VAT1L: variants seen among roughly 807,000 people sequenced by gnomAD.
VAT1L encodes vesicle amine transport 1 like, also known as putative NADPH-dependent quinone oxidoreductase VAT1L.
VAT1L carries 34 observed loss-of-function variants against 44.1 expected under a neutral mutation model. That is an observed-to-expected ratio of 0.77 (90% CI 0.59 to 1.03). The LOEUF is 1.03. Among genes scored for constraint, VAT1L ranks in the 50% least tolerant of loss-of-function variants. VAT1L has a pLI of 0.00. For missense variants in VAT1L, 615 were observed against 538.8 expected (o/e 1.14, Z -1.40); for synonymous variants, 253 against 202.2 (o/e 1.25, Z -2.13).
intron 7 of VAT1L, among the ~76,000 whole-genome samples, chr16:77,949,981 GT>G (rs1482907185): frequency 6.6e-6 from 1 of 152,158 alleles, no homozygotes; most frequent in Non-Finnish European, 1.5e-5. Flanking sequence ...GTACCCTTAA[GT>G]TTTCCCTCAG....
At chr16:77,794,144 G>C (rs867392204) in intron 1 of VAT1L, among the ~76,000 whole-genome samples, 2 of 152,064 alleles carry the variant, frequency 1.3e-5, no homozygotes, top group Admixed American at 6.6e-5. Context: ...GAGACAGAGA[G>C]ACACACACAC....
At chr16:77,963,812 T>G (rs445971) in intron 7 of VAT1L, among the ~76,000 whole-genome samples, 138,385 of 152,120 alleles carry the variant, frequency 0.91, 63,215 homozygotes, top group East Asian at 0.96. Context: ...GGAAAGTGAT[T>G]TTCACTTCTC....
rs570032581 is a variant in VAT1L, at chr16:77,879,480, G to A, written c.882+256G>A. On this transcript the variant is annotated intron_variant, in intron 6 of 8. Transcript: ENST00000302536. This position sits in a 1 kb window ranked among gnomAD's most constrained non-coding sequence, Gnocchi z 4.1. ...TAATTTTTGTATTTGTAGTAGAGAC[G>A]GGGTTTCACCGTGTTGGCCAGGATG... Among the ~76,000 whole-genome samples, 7 of 152,262 alleles carry A rather than the reference G, an allele frequency of 4.6e-5. No homozygotes were observed. Among genetic ancestry groups the A allele is most frequent in the South Asian group, 2.1e-4 (1 of 4,820 alleles).
chr16:77,918,906 G>T (rs2017580865), intron 7 of VAT1L, among the ~76,000 whole-genome samples: 1 of 152,058 alleles, frequency 6.6e-6, no homozygotes, highest in South Asian at 2.1e-4. Flanking sequence ...TCTCTCTCCT[G>T]AGCTTACCAT....
chr16:77,832,548 C>T (rs2016591631), intron 3 of VAT1L, among the ~76,000 whole-genome samples: 1 of 152,202 alleles, frequency 6.6e-6, no homozygotes, highest in Non-Finnish European at 1.5e-5. Context: ...CCAGCTAAGA[C>T]ATTTGGGGAA....
At position 77,901,704 on chromosome 16, in the gene VAT1L, C is replaced by T. The variant is rs141484040; in HGVS notation, c.1077+16902C>T. ...GACATCACTAATCAATCCCACTTGG[C>T]ATCAGATCTCTCTCAGCACAACATC... On this transcript the variant is annotated intron_variant, in intron 7 of 8. Transcript: ENST00000302536. Among the ~76,000 whole-genome samples, 418 of 152,216 alleles carry T rather than the reference C, an allele frequency of 2.7e-3. 4 individuals are homozygous for T. Among genetic ancestry groups the T allele is most frequent in the African/African-American group, 9.3e-3 (387 of 41,522 alleles).
Position 77,850,638 on chromosome 16 carries a change from G to GT in VAT1L, c.580-12104dup, listed in dbSNP as rs369239830. Among the ~76,000 whole-genome samples the GT allele has an allele frequency of 1.8e-3, 271 of 152,220 alleles. 1 individual carries two copies. The highest frequency in any genetic ancestry group is 6.3e-3 in the African/African-American group (262 of 41,546). ...ACACAATAGTAGTTTGAGTCGTTTG[G>GT]TTTTTTGTTTTTGTTTTTGTTTTCT... On this transcript the variant is annotated intron_variant, in intron 3 of 8. Transcript: ENST00000302536.
At chr16:77,853,764 T>C (rs2016829332) in intron 3 of VAT1L, among the ~76,000 whole-genome samples, 1 of 151,820 alleles carries the variant, frequency 6.6e-6, no homozygotes, top group Admixed American at 6.6e-5. Context: ...GAAGCACGGA[T>C]CCATACAATG....
At chr16:77,855,620 T>G (rs1233577155) in intron 3 of VAT1L, among the ~76,000 whole-genome samples, 1 of 152,232 alleles carries the variant, frequency 6.6e-6, no homozygotes, top group African/African-American at 2.4e-5. Context: ...GTTTATTTAT[T>G]TTATTAATGT....
At chr16:77,949,098 G>GAAGAT (rs1567519066) in intron 7 of VAT1L, among the ~76,000 whole-genome samples, 1 of 152,160 alleles carries the variant, frequency 6.6e-6, no homozygotes, top group African/African-American at 2.4e-5. Flanking sequence ...ATTGGAGCAC[G>GAAGAT]AAGAAGCTGG....
intron 7 of VAT1L, among the ~76,000 whole-genome samples, chr16:77,924,653 G>T (rs1025553885): frequency 1.3e-5 from 2 of 152,092 alleles, no homozygotes; most frequent in African/African-American, 4.8e-5. Context: ...GTAGAGACGG[G>T]GTTTCACCAT....
At chr16:77,901,023 T>A (rs1187379466) in intron 7 of VAT1L, among the ~76,000 whole-genome samples, 2 of 151,968 alleles carry the variant, frequency 1.3e-5, no homozygotes, top group Non-Finnish European at 2.9e-5. Context: ...TTGGCAAGCA[T>A]CAAGTTCAAA....
Position 77,901,153 on chromosome 16 carries a change from CTT to C in VAT1L, c.1077+16380_1077+16381del, listed in dbSNP as rs538577571. On this transcript the variant is annotated intron_variant, in intron 7 of 8. Coordinates refer to ENST00000302536, the MANE Select transcript of VAT1L (RefSeq NM_020927.3). The stretch of plus-strand genomic sequence containing the variant: ...GGTAGGTGTGTGACCAGTAGTTTAC[CTT>C]TTTTTTTTTTTTTTTTTTTTTTTTT... 9.5e-3 allele frequency among the ~76,000 whole-genome samples: 853 copies of C among 89,962 alleles called. 6 individuals are homozygous for C. Among genetic ancestry groups the C allele is most frequent in the Non-Finnish European group, 0.012 (601 of 49,400 alleles). 59.0% of individuals were successfully genotyped at this position (89,962 alleles called of 152,430 possible).
intron 3 of VAT1L, among the ~76,000 whole-genome samples, chr16:77,832,853 T>G (rs2016595188): frequency 6.6e-6 from 1 of 152,184 alleles, no homozygotes; most frequent in Non-Finnish European, 1.5e-5. Context: ...ATCTTATCAT[T>G]AAGCCACAAC....
intron 4 of VAT1L, among the ~76,000 whole-genome samples, chr16:77,866,971 G>A (rs375545872): frequency 1.1e-4 from 16 of 152,156 alleles, no homozygotes; most frequent in Middle Eastern, 3.2e-3. Context: ...AGGGGGAAGC[G>A]TGAGAGAATC....
Position 77,959,015 on chromosome 16 carries a change from C to G in VAT1L, c.1078-12835C>G, listed in dbSNP as rs374443214. Among the ~76,000 whole-genome samples the G allele has an allele frequency of 1.1e-4, 16 of 152,288 alleles. No homozygotes were observed. The East Asian group carries it at 2.7e-3, about 26-fold the overall frequency. On this transcript the variant is annotated intron_variant, in intron 7 of 8. Coordinates refer to ENST00000302536, the MANE Select transcript of VAT1L (RefSeq NM_020927.3). ...GGACCAAGACTATGATTAGTCAAGA[C>G]AGACAGCTAGGGTATAAAATGTAAG...
At chr16:77,924,645 A>G (rs902002230) in intron 7 of VAT1L, among the ~76,000 whole-genome samples, 1 of 152,170 alleles carries the variant, frequency 6.6e-6, no homozygotes, top group African/African-American at 2.4e-5. Context: ...TATTTTTAGT[A>G]GAGACGGGGT....
chr16:77,813,413 G>C (rs2016298863), intron 1 of VAT1L, among the ~76,000 whole-genome samples: 1 of 152,186 alleles, frequency 6.6e-6, no homozygotes, highest in African/African-American at 2.4e-5. Flanking sequence ...GGTAGTCCAA[G>C]CAAAGAGCTT....
chr16:77,828,392 G>A (rs970119075), intron 3 of VAT1L, among the ~76,000 whole-genome samples: 5 of 152,018 alleles, frequency 3.3e-5, no homozygotes, highest in Non-Finnish European at 5.9e-5. Context: ...GGCCGGGCGC[G>A]GTGGCTCACG....
Sources: gnomAD v4.1 joint callset for allele counts (sites outside exome capture counted in the v4.1 genomes callset) on GRCh38, gnomAD v4.1.1 for gene constraint, Gnocchi (gnomAD v3.1) non-coding constraint, MANE v1.5 for transcripts, NCBI Gene and HGNC (gene_info 2026-07-23, HGNC 2026-07-21) for gene names.